PSD3: variants seen among roughly 807,000 people sequenced by gnomAD.
PSD3 encodes pleckstrin and Sec7 domain containing 3, also known as PH and SEC7 domain-containing protein 3.
Under a neutral mutation model 105.5 loss-of-function variants are expected in PSD3, and 49 were observed. The observed-to-expected ratio is 0.46, with a 90% CI of 0.37 to 0.59. The LOEUF (loss-of-function observed/expected upper bound fraction) is 0.59. Ranked by LOEUF, PSD3 falls within the 20% of genes least tolerant of loss-of-function variation. The probability of loss-of-function intolerance (pLI) is 0.00; values close to 1 mark genes in which losing one functional copy is unlikely to be tolerated. For missense variants in PSD3, 1,561 were observed against 1,263.8 expected (o/e 1.24, Z -3.57); for synonymous variants, 557 against 457.8 (o/e 1.22, Z -2.77).
intron 12 of PSD3, among the ~76,000 whole-genome samples, chr8:18,577,198 A>T (rs1167869858): frequency 6.6e-6 from 1 of 151,880 alleles, no homozygotes; most frequent in Admixed American, 6.6e-5. Flanking sequence ...GTGCTTCTCA[A>T]ATTTAAGGTA....
chr8:18,936,162 CA>C lies in PSD3; in HGVS notation c.22-21del. Reference sequence around the variant, plus strand: ...CTCTGCCTGCAAAATAAGAACAAAACAAAGACACATTTAAAATACATCATTA... The same window carrying C: ...CTCTGCCTGCAAAATAAGAACAAAACAAGACACATTTAAAATACATCATTA... On this transcript the variant is annotated intron_variant, in intron 1 of 15. Transcript: ENST00000327040. 1 of 1,510,988 alleles carries C rather than the reference CA, an allele frequency of 6.6e-7. No individual in the cohort carries two copies. Among genetic ancestry groups the C allele is most frequent in the Admixed American group, 1.7e-5 (1 of 58,880 alleles). The allele number at this position is 1,510,988 out of a possible 1,614,324, so 93.6% of individuals were successfully genotyped here.
At chr8:19,080,938 T>A (rs1829624533) in intron 1 of PSD3, among the ~76,000 whole-genome samples, 1 of 152,186 alleles carries the variant, frequency 6.6e-6, no homozygotes, top group South Asian at 2.1e-4. Context: ...ATTTAAGATG[T>A]GGAAATGTCC....
intron 15 of PSD3, among the ~76,000 whole-genome samples, chr8:18,553,815 T>A (rs1298938799): frequency 6.6e-6 from 1 of 152,220 alleles, no homozygotes; most frequent in Non-Finnish European, 1.5e-5. Flanking sequence ...TTTCATGACA[T>A]AAATATTAGC....
intron 4 of PSD3, among the ~76,000 whole-genome samples, chr8:18,811,162 G>A (rs1015584545): frequency 6.6e-5 from 10 of 152,164 alleles, no homozygotes; most frequent in African/African-American, 2.2e-4. Flanking sequence ...CAGCCTCTGG[G>A]CTTCTTCCTA....
chr8:18,921,229 T>C (rs1370474692), intron 2 of PSD3, among the ~76,000 whole-genome samples: 1 of 152,236 alleles, frequency 6.6e-6, no homozygotes, highest in Non-Finnish European at 1.5e-5. Flanking sequence ...GCTCTGCATG[T>C]CAGTAAAATA....
chr8:18,670,392 G>A (rs1042850767), intron 9 of PSD3, among the ~76,000 whole-genome samples: 1 of 152,160 alleles, frequency 6.6e-6, no homozygotes, highest in African/African-American at 2.4e-5. Flanking sequence ...AGGGTGACCT[G>A]CTGTAATTCA....
chr8:18,992,223 A>G (rs1281816008), intron 1 of PSD3, among the ~76,000 whole-genome samples: 2 of 152,192 alleles, frequency 1.3e-5, no homozygotes, highest in Non-Finnish European at 2.9e-5. Flanking sequence ...TGCTGAGATC[A>G]AAAGGTATGT....
chr8:18,674,144 T>TA (rs61430723), intron 9 of PSD3, among the ~76,000 whole-genome samples: 1,778 of 145,588 alleles, frequency 0.012, 32 homozygotes, highest in African/African-American at 0.041. Context: ...AAACTTGTCT[T>TA]AAAAAAAAAA....
intron 2 of PSD3, among the ~76,000 whole-genome samples, chr8:18,874,702 C>CA (rs746055038): frequency 0.087 from 4,434 of 50,920 alleles, 211 homozygotes; most frequent in East Asian, 0.17. Flanking sequence ...GACTCCATCT[C>CA]AAAAAAAAAA....
chr8:18,768,198 A>T (rs1463266752), intron 8 of PSD3, among the ~76,000 whole-genome samples: 1 of 151,750 alleles, frequency 6.6e-6, no homozygotes, highest in East Asian at 1.9e-4. Context: ...AGGCAGAAGA[A>T]TCACTTGAAC....
At chr8:18,731,061 G>C (rs572012903) in intron 9 of PSD3, among the ~76,000 whole-genome samples, 1 of 144,162 alleles carries the variant, frequency 6.9e-6, no homozygotes, top group African/African-American at 2.5e-5. Context: ...CTCTTCACCA[G>C]CCTGGCCAAC....
intron 12 of PSD3, among the ~76,000 whole-genome samples, chr8:18,595,612 A>G (rs1324511603): frequency 6.6e-6 from 1 of 152,114 alleles, no homozygotes; most frequent in African/African-American, 2.4e-5. Flanking sequence ...TTGGTAACAA[A>G]AAGAGCAGAG....
At position 19,013,672 on chromosome 8, in the gene PSD3, C is replaced by T; in HGVS notation, c.-89G>A. On this transcript the variant is annotated 5_prime_UTR_variant, in exon 1 of 16. Coordinates refer to ENST00000327040, the MANE Select transcript of PSD3 (RefSeq NM_015310.4). Reference sequence around the variant, plus strand: ...GGGCGCGAGTGCCGGCGGCCAGCGCCGCGTGCTCTTTGTTGAGCTCCCGGG... The same window carrying T: ...GGGCGCGAGTGCCGGCGGCCAGCGCTGCGTGCTCTTTGTTGAGCTCCCGGG... 2 of 1,153,942 alleles carry T rather than the reference C, an allele frequency of 1.7e-6. No homozygotes were observed. The highest frequency in any genetic ancestry group is 2.2e-6 in the Non-Finnish European group (2 of 926,168). 71.5% of individuals were successfully genotyped at this position (1,153,942 alleles called of 1,614,324 possible).
intron 1 of PSD3, among the ~76,000 whole-genome samples, chr8:19,034,549 A>T (rs964325129): frequency 2.6e-5 from 4 of 152,158 alleles, no homozygotes; most frequent in African/African-American, 9.7e-5. Flanking sequence ...TCCCATAAAG[A>T]GCTGACAGTC....
At chr8:18,781,252 TG>T (rs1808594983) in intron 8 of PSD3, among the ~76,000 whole-genome samples, 1 of 152,180 alleles carries the variant, frequency 6.6e-6, no homozygotes, top group Non-Finnish European at 1.5e-5. Flanking sequence ...ACAATGTAAA[TG>T]TTATTGTACT....
chr8:18,929,329 C>T (rs886343285), intron 2 of PSD3, among the ~76,000 whole-genome samples: 5 of 152,040 alleles, frequency 3.3e-5, no homozygotes, highest in African/African-American at 1.2e-4. Flanking sequence ...CAGAGGGCCA[C>T]AGTTATCCTA....
At chr8:18,805,391 A>C (rs1177415136) in intron 4 of PSD3, among the ~76,000 whole-genome samples, 1 of 152,222 alleles carries the variant, frequency 6.6e-6, no homozygotes, top group African/African-American at 2.4e-5. Context: ...ACATTCAATC[A>C]GTAACAATAT....
chr8:18,996,278 T>A (rs189065462), intron 1 of PSD3, among the ~76,000 whole-genome samples: 1 of 152,012 alleles, frequency 6.6e-6, no homozygotes, highest in East Asian at 1.9e-4. Flanking sequence ...GTGCCTCAGA[T>A]GAGAGCTAAA....
chr8:19,078,181 T>A (rs1368341321), intron 1 of PSD3, among the ~76,000 whole-genome samples: 4 of 151,992 alleles, frequency 2.6e-5, no homozygotes. Flanking sequence ...CAGGCATGAG[T>A]CACCGAGCCA....
Sources: allele counts gnomAD v4.1 joint callset (sites outside exome capture counted in the v4.1 genomes callset), GRCh38; gene constraint gnomAD v4.1.1; transcripts MANE v1.5; gene names NCBI Gene and HGNC (gene_info 2026-07-23, HGNC 2026-07-21).